EEFSEC: variants seen among roughly 807,000 people sequenced by gnomAD.
EEFSEC encodes selenocysteine-specific elongation factor.
EEFSEC carries 43 observed loss-of-function variants against 42.1 expected under a neutral mutation model. The observed-to-expected ratio is 1.02, with a 90% confidence interval of 0.80 to 1.32. The LOEUF (loss-of-function observed/expected upper bound fraction) is 1.32. Ranked by LOEUF, EEFSEC falls within the 40% of genes most tolerant of loss-of-function variation. EEFSEC has a pLI of 0.00. For missense variants in EEFSEC, 745 were observed against 803.6 expected, an observed-to-expected ratio of 0.93 and a Z score of 0.88; for synonymous variants, 354 against 339.1, an observed-to-expected ratio of 1.04 and a Z score of -0.48.
intron 4 of EEFSEC, among the ~76,000 whole-genome samples, chr3:128,325,005 T>C (rs2067048499): frequency 6.6e-6 from 1 of 152,148 alleles, no homozygotes; most frequent in Non-Finnish European, 1.5e-5. Context: ...AGAAGCTTCA[T>C]AACAAAGAGA....
At position 128,153,596 on chromosome 3, in the gene EEFSEC, C is replaced by G; in HGVS notation, c.89C>G (p.Thr30Arg). 1.9e-6 allele frequency: 3 copies of G among 1,587,894 alleles called. No individual in the cohort carries two copies. Among genetic ancestry groups the G allele is most frequent in the Non-Finnish European group, 1.7e-6 (2 of 1,173,478 alleles). ...GCGCTGGCGCGGGCGCTAAGCACCA[C>G]AGCCTCCACCGCCGCCTTTGACAAG... is the stretch of plus-strand genomic sequence containing the variant. ...KTALARALST[T>R]ASTAAFDKQP... Residue 30 changes from threonine (T) to arginine (R), a missense_variant, in exon 1 of 7, where the codon ACA (threonine) becomes AGA (arginine). Coordinates refer to ENST00000254730, the MANE Select transcript of EEFSEC (RefSeq NM_021937.5).
chr3:128,174,253 A>G (rs1374145406), intron 1 of EEFSEC, among the ~76,000 whole-genome samples: 2 of 152,230 alleles, frequency 1.3e-5, no homozygotes, highest in Non-Finnish European at 2.9e-5. Flanking sequence ...TAACACAAAT[A>G]GACTGTGCTG....
intron 6 of EEFSEC, among the ~76,000 whole-genome samples, chr3:128,388,248 TG>T (rs1288353940): frequency 2.0e-5 from 3 of 152,310 alleles, no homozygotes; most frequent in African/African-American, 7.2e-5. Context: ...CCAGCCCTGT[TG>T]GCAGCCTCTT....
At chr3:128,373,818 C>A (rs1329961658) in intron 6 of EEFSEC, among the ~76,000 whole-genome samples, 2 of 152,186 alleles carry the variant, frequency 1.3e-5, no homozygotes, top group Non-Finnish European at 2.9e-5. Context: ...AGCCAATTCT[C>A]ACCCATAAAA....
chr3:128,172,689 GAC>G (rs2065311209), intron 1 of EEFSEC, among the ~76,000 whole-genome samples: 1 of 152,204 alleles, frequency 6.6e-6, no homozygotes, highest in Non-Finnish European at 1.5e-5. Context: ...TGAGGATGGA[GAC>G]ACAGACACTG....
intron 6 of EEFSEC, among the ~76,000 whole-genome samples, chr3:128,370,189 CA>C (rs2067637049): frequency 6.6e-6 from 1 of 152,208 alleles, no homozygotes; most frequent in Non-Finnish European, 1.5e-5. Flanking sequence ...TCAGGCTGTG[CA>C]TTTTTGGAAG....
rs766504562 is a variant in EEFSEC, at chr3:128,264,709, C to A, written c.714C>A (p.Gly238=). The change falls in exon 4 of 7, where the codon GGC becomes GGA. Residue 238 remains glycine (G), a synonymous_variant. Coordinates refer to ENST00000254730, the MANE Select transcript of EEFSEC (RefSeq NM_021937.5). ...ACTGTTTCTCCATCAAAGGCCAAGG[C>A]ACTGTGATGACAGGGACCATCCTTT... ...VDHCFSIKGQ[G]TVMTGTILSG... 6.2e-7 allele frequency: 1 copy of A among 1,614,182 alleles called. No homozygotes were observed. The highest frequency in any genetic ancestry group is 8.5e-7 in the Non-Finnish European group (1 of 1,180,012).
chr3:128,231,226 A>G (rs1336865824), intron 1 of EEFSEC, among the ~76,000 whole-genome samples: 1 of 152,120 alleles, frequency 6.6e-6, no homozygotes, highest in Non-Finnish European at 1.5e-5. Flanking sequence ...CCCAATCGAG[A>G]CCTTGATAAT....
At chr3:128,371,849 G>A (rs148575785) in intron 6 of EEFSEC, among the ~76,000 whole-genome samples, 344 of 152,304 alleles carry the variant, frequency 2.3e-3, no homozygotes, top group African/African-American at 8.0e-3. Flanking sequence ...TGCAGGGGCC[G>A]GGGCCCGGCG....
At position 128,179,981 on chromosome 3, in the gene EEFSEC, A is replaced by G. The variant is rs537322002; in HGVS notation, c.316+26158A>G. Among the ~76,000 whole-genome samples the G allele has an allele frequency of 6.6e-5, 10 of 152,298 alleles. No individual in the cohort carries two copies. The East Asian group carries it at 1.9e-3, about 29-fold the overall frequency. ...TCATGTTTGTGAGTGACCACCTCAAATTGCCAGGTTTTAACCACTAAAACA... is the reference window on the plus strand; with the variant it reads ...TCATGTTTGTGAGTGACCACCTCAAGTTGCCAGGTTTTAACCACTAAAACA... On this transcript the variant is annotated intron_variant, in intron 1 of 6. Coordinates refer to ENST00000254730, the MANE Select transcript of EEFSEC (RefSeq NM_021937.5).
chr3:128,335,115 G>T (rs1438506347), intron 4 of EEFSEC, among the ~76,000 whole-genome samples: 1 of 152,246 alleles, frequency 6.6e-6, no homozygotes, highest in Non-Finnish European at 1.5e-5. Flanking sequence ...GGCCCATGTG[G>T]CTTGGCTCCT....
At chr3:128,168,779 G>A (rs1408248985) in intron 1 of EEFSEC, among the ~76,000 whole-genome samples, 1 of 152,208 alleles carries the variant, frequency 6.6e-6, no homozygotes, top group Non-Finnish European at 1.5e-5. Context: ...TCTCCTTGCT[G>A]GTTCTGTCAC....
At chr3:128,370,849 A>C (rs2067645172) in intron 6 of EEFSEC, among the ~76,000 whole-genome samples, 1 of 152,208 alleles carries the variant, frequency 6.6e-6, no homozygotes, top group South Asian at 2.1e-4. Flanking sequence ...TCCAGAGTGA[A>C]GGTGGGAAGT....
intron 6 of EEFSEC, among the ~76,000 whole-genome samples, chr3:128,364,464 C>T (rs1447678640): frequency 2.0e-5 from 3 of 152,206 alleles, no homozygotes; most frequent in Admixed American, 6.5e-5. Context: ...GTGTGATGTT[C>T]GCTAGAACCC....
chr3:128,264,782 G>A lies in EEFSEC; in HGVS notation c.786+1G>A. 1 of 1,613,618 alleles carries A rather than the reference G, an allele frequency of 6.2e-7. No individual in the cohort carries two copies. The highest frequency in any genetic ancestry group is 8.5e-7 in the Non-Finnish European group (1 of 1,179,722). Reference sequence around the variant, plus strand: ...CAGTGTGGAGATCCCTGCCCTCAAGGTCAGTCTTACCTTGTCTTCCCTTCT... The same window carrying A: ...CAGTGTGGAGATCCCTGCCCTCAAGATCAGTCTTACCTTGTCTTCCCTTCT... On this transcript the variant is annotated splice_donor_variant, in intron 4 of 6. Transcript: ENST00000254730. LOFTEE classifies it high-confidence loss of function.
In EEFSEC at chr3:128,341,241, GA is replaced by G. The variant is rs2067246854; in HGVS notation, c.797del (p.Lys266ArgfsTer2). The G allele has an allele frequency of 6.2e-7, 1 of 1,605,198 alleles. No individual in the cohort carries two copies. Among genetic ancestry groups the G allele is most frequent in the African/African-American group, 1.3e-5 (1 of 74,804 alleles). On this transcript the variant is annotated frameshift_variant, in exon 5 of 7. Transcript: ENST00000254730. LOFTEE classifies it high-confidence loss of function. ...VEIPALKVVK[K>X]VKSMQMFHMP... ...TGCTTACTCCCCATCAGGTGGTGAAGAAGGTGAAGTCCATGCAGATGTTCCA... is the reference window on the plus strand; with the variant it reads ...TGCTTACTCCCCATCAGGTGGTGAAGAGGTGAAGTCCATGCAGATGTTCCA...
chr3:128,211,713 A>C (rs1037607806), intron 1 of EEFSEC, among the ~76,000 whole-genome samples: 2 of 151,220 alleles, frequency 1.3e-5, no homozygotes, highest in African/African-American at 2.4e-5. Flanking sequence ...ACTGGGTTTC[A>C]CCATATTGCC....
At chr3:128,412,787 C>T (rs935066985), downstream of EEFSEC, among the ~76,000 whole-genome samples, 1 of 152,154 alleles carries the variant, frequency 6.6e-6, no homozygotes, top group Non-Finnish European at 1.5e-5. Context: ...GGAGTTGGGG[C>T]GGAGGCAGCA....
At chr3:128,210,581 T>C (rs1289518991) in intron 1 of EEFSEC, among the ~76,000 whole-genome samples, 6 of 152,238 alleles carry the variant, frequency 3.9e-5, no homozygotes, top group Non-Finnish European at 8.8e-5. Flanking sequence ...TTGGGATAAC[T>C]GTGGCACAGG....
Sources: gnomAD v4.1 joint callset for allele counts (sites outside exome capture counted in the v4.1 genomes callset) on GRCh38, gnomAD v4.1.1 for gene constraint, MANE v1.5 for transcripts, NCBI Gene and HGNC (gene_info 2026-07-23, HGNC 2026-07-21) for gene names.